Variants in FOXK2 observed in about 807,000 individuals in gnomAD.
The protein encoded by FOXK2 is forkhead box protein K2.
Under a neutral mutation model 53.3 loss-of-function variants are expected in FOXK2, and 24 were observed. The ratio of observed to expected loss-of-function variants is 0.45; its 90% CI spans 0.33 to 0.63. The LOEUF (loss-of-function observed/expected upper bound fraction) is 0.63, where lower values mean the gene tolerates loss of function less well. Ranked by LOEUF, FOXK2 falls within the 30% of genes least tolerant of loss-of-function variation. The probability of loss-of-function intolerance (pLI) is 0.03; values close to 1 mark genes in which losing one functional copy is unlikely to be tolerated. For missense variants in FOXK2, 952 were observed against 910.5 expected (o/e 1.05, Z -0.59); for synonymous variants, 505 against 407.1 (o/e 1.24, Z -2.89).
chr17:82,543,497 C>G (rs539154161), intron 1 of FOXK2, among the ~76,000 whole-genome samples: 2 of 152,338 alleles, frequency 1.3e-5, no homozygotes, highest in East Asian at 3.9e-4. Context: ...CCACAGCTGC[C>G]CACTTGGAGC....
chr17:82,537,990 G>A (rs940529302), intron 1 of FOXK2, among the ~76,000 whole-genome samples: 4 of 151,900 alleles, frequency 2.6e-5, no homozygotes, highest in African/African-American at 9.7e-5. Context: ...TCTGGAGGCT[G>A]AGGCAGGTGG....
At chr17:82,589,036 C>T (rs939896842) in intron 8 of FOXK2, among the ~76,000 whole-genome samples, 2 of 151,716 alleles carry the variant, frequency 1.3e-5, no homozygotes, top group South Asian at 4.2e-4. Context: ...CCAGCCCGGG[C>T]GACCGTGCGA....
At chr17:82,573,536 ACTCTCTCTCT>A (rs373747209) in intron 4 of FOXK2, among the ~76,000 whole-genome samples, 10 of 138,826 alleles carry the variant, frequency 7.2e-5, no homozygotes, top group African/African-American at 8.1e-5. Flanking sequence ...ACACACACAC[ACTCTCTCTCT>A]CTCTCTCTCT....
At chr17:82,526,569 G>A (rs1051564337) in intron 1 of FOXK2, among the ~76,000 whole-genome samples, 57 of 152,160 alleles carry the variant, frequency 3.7e-4, no homozygotes, top group Non-Finnish European at 7.6e-4. Context: ...GGTGGCTCAC[G>A]CCTGTGATCC....
At chr17:82,564,249 G>A (rs1233754856) in intron 2 of FOXK2, among the ~76,000 whole-genome samples, 1 of 151,694 alleles carries the variant, frequency 6.6e-6, no homozygotes, top group Non-Finnish European at 1.5e-5. Flanking sequence ...CACCATACCC[G>A]GCTAATTTTT....
intron 6 of FOXK2, among the ~76,000 whole-genome samples, chr17:82,584,703 C>T (rs562548678): frequency 6.6e-6 from 1 of 152,078 alleles, no homozygotes; most frequent in South Asian, 2.1e-4. Flanking sequence ...CCACCACACC[C>T]AGCTGCTAAT....
chr17:82,533,376 G>C (rs1357509034), intron 1 of FOXK2, among the ~76,000 whole-genome samples: 2 of 152,070 alleles, frequency 1.3e-5, no homozygotes, highest in Non-Finnish European at 2.9e-5. Context: ...TGTAATCCCA[G>C]CTACTCGGGA....
chr17:82,564,947 C>G (rs1406861923), intron 2 of FOXK2, among the ~76,000 whole-genome samples: 1 of 151,862 alleles, frequency 6.6e-6, no homozygotes, highest in African/African-American at 2.4e-5. Context: ...TCAGGGTGGT[C>G]TTGAAATCCT....
At chr17:82,522,074 CTG>C (rs1194356640) in intron 1 of FOXK2, among the ~76,000 whole-genome samples, 1 of 109,606 alleles carries the variant, frequency 9.1e-6, no homozygotes, top group Non-Finnish European at 1.7e-5. Flanking sequence ...TTACAAAATA[CTG>C]TGTCACAACA....
At chr17:82,586,906 C>G (rs1295707845) in intron 7 of FOXK2, among the ~76,000 whole-genome samples, 157 bp from the exon 8 acceptor site, 3 of 151,386 alleles carry the variant, frequency 2.0e-5, no homozygotes, top group Non-Finnish European at 4.4e-5. Flanking sequence ...TCTCAAAAAA[C>G]AAAAAAAAGA....
At chr17:82,569,279 G>C (rs181617523) in intron 3 of FOXK2, among the ~76,000 whole-genome samples, 6 of 152,350 alleles carry the variant, frequency 3.9e-5, no homozygotes, top group Admixed American at 3.9e-4. Context: ...ACCTGCGGCC[G>C]ACTACGGCGT....
At chr17:82,553,744 G>T (rs1362072198) in intron 1 of FOXK2, among the ~76,000 whole-genome samples, 1 of 152,226 alleles carries the variant, frequency 6.6e-6, no homozygotes, top group Non-Finnish European at 1.5e-5. Context: ...GGACACAGCA[G>T]TTGCGCCTGT....
rs777736428 is a variant in FOXK2 at position 82,586,231 on chromosome 17, ACCACAGGGAGG to A, written c.1576+32_1576+42del. On this transcript the variant is annotated intron_variant, in intron 7 of 8. Transcript: ENST00000335255. ...CGGAGGGGAAAGGAGGAGAGGGGAGACCACAGGGAGGTGAAAGGTGGGCCGGGGGGGGAAAG... is the reference window on the plus strand; with the variant it reads ...CGGAGGGGAAAGGAGGAGAGGGGAGATGAAAGGTGGGCCGGGGGGGGAAAG... 4 of 1,231,340 alleles carry A rather than the reference ACCACAGGGAGG, an allele frequency of 3.2e-6. No homozygotes were observed. The South Asian group carries it at 7.2e-5, about 22-fold the overall frequency. The allele number at this position is 1,231,340 out of a possible 1,614,324, so 76.3% of individuals were successfully genotyped here. A position where few individuals can be genotyped will look rare whatever the true frequency, so the allele number is the denominator to read the frequency against.
chr17:82,534,998 G>C (rs1258831457), intron 1 of FOXK2, among the ~76,000 whole-genome samples: 1 of 152,182 alleles, frequency 6.6e-6, no homozygotes, highest in Non-Finnish European at 1.5e-5. Flanking sequence ...TCCTGCCTCA[G>C]CCTTAGGAGT....
At chr17:82,583,959 G>A (rs2143102119) in intron 5 of FOXK2, 54 bp from the exon 6 acceptor site, 2 of 1,523,970 alleles carry the variant, frequency 1.3e-6, no homozygotes, top group African/African-American at 2.8e-5. Flanking sequence ...AACAGCAAGT[G>A]CTTTCTGAGT....
chr17:82,548,107 A>G (rs1469122067), intron 1 of FOXK2, among the ~76,000 whole-genome samples: 2 of 152,170 alleles, frequency 1.3e-5, no homozygotes, highest in Non-Finnish European at 2.9e-5. Flanking sequence ...TAGGAGTCAC[A>G]TTTGTGTGAA....
intron 1 of FOXK2, among the ~76,000 whole-genome samples, chr17:82,531,863 G>T (rs2044474864): frequency 2.0e-5 from 3 of 152,156 alleles, no homozygotes; most frequent in African/African-American, 7.2e-5. Flanking sequence ...TATTTGAGAA[G>T]GAGTTTCGCT....
chr17:82,531,228 T>C (rs2044469619), intron 1 of FOXK2, among the ~76,000 whole-genome samples: 1 of 152,198 alleles, frequency 6.6e-6, no homozygotes, highest in Admixed American at 6.5e-5. Context: ...GGGTACTCGA[T>C]AGGACTCAAA....
At chr17:82,586,652 A>T (rs569559423) in intron 7 of FOXK2, among the ~76,000 whole-genome samples, 2 of 152,016 alleles carry the variant, frequency 1.3e-5, no homozygotes, top group Non-Finnish European at 2.9e-5. Flanking sequence ...CTGTAATCCC[A>T]GCACTATGGG....
Sources: gnomAD v4.1 joint callset for allele counts (sites outside exome capture counted in the v4.1 genomes callset) on GRCh38, gnomAD v4.1.1 for gene constraint, MANE v1.5 for transcripts, NCBI Gene and HGNC (gene_info 2026-07-23, HGNC 2026-07-21) for gene names.